LMNTD1: variants seen among roughly 807,000 people sequenced by gnomAD.
LMNTD1 encodes lamin tail domain-containing protein 1.
A neutral mutation model predicts 50.9 loss-of-function variants in LMNTD1; 35 were observed. That is an observed-to-expected ratio of 0.69 (90% confidence interval 0.53 to 0.91). The LOEUF is 0.91. LMNTD1 is among the 40% of genes least tolerant of loss of function. LMNTD1 has a pLI of 0.00. For synonymous variants in LMNTD1, 153 were observed against 161.9 expected (o/e 0.94, Z 0.42); for missense variants, 470 against 475.5 (o/e 0.99, Z 0.11).
chr12:25,480,107 G>A (rs1179019753), intron 9 of LMNTD1, among the ~76,000 whole-genome samples: 7 of 152,200 alleles, frequency 4.6e-5, no homozygotes, highest in African/African-American at 1.4e-4. Flanking sequence ...TCACCCAATG[G>A]TGAGCACTCA....
At chr12:25,589,922 C>T (rs536256001) in intron 1 of LMNTD1, among the ~76,000 whole-genome samples, 1 of 152,178 alleles carries the variant, frequency 6.6e-6, no homozygotes, top group South Asian at 2.1e-4. Flanking sequence ...CTGTCTCACC[C>T]AGTTTACTAG....
In LMNTD1 at chr12:25,519,586, T is replaced by TAAAA. The variant is rs781742784; in HGVS notation, c.1016+271_1016+272insTTTT. The stretch of plus-strand genomic sequence containing the variant: ...CTGGGTGACAGAGCGAGACTCTGTC[T>TAAAA]CAAAAAAAAAAAAAAAAAAAAAGTG... On this transcript the variant is annotated intron_variant, in intron 7 of 9. Transcript: ENST00000458174. 3.9e-4 allele frequency among the ~76,000 whole-genome samples: 29 copies of TAAAA among 74,934 alleles called. 7 individuals carry two copies. The highest frequency in any genetic ancestry group is 4.9e-4 in the Non-Finnish European group (21 of 43,078). 49.2% of individuals were successfully genotyped at this position (74,934 alleles called of 152,430 possible).
intron 1 of LMNTD1, among the ~76,000 whole-genome samples, chr12:25,648,315 T>G (rs1947116881): frequency 6.6e-6 from 1 of 152,220 alleles, no homozygotes; most frequent in African/African-American, 2.4e-5. Flanking sequence ...AAACAGCATC[T>G]CAATTCATGC....
intron 9 of LMNTD1, among the ~76,000 whole-genome samples, chr12:25,478,020 C>T (rs1342807370): frequency 6.6e-6 from 1 of 152,092 alleles, no homozygotes; most frequent in African/African-American, 2.4e-5. Context: ...TGTCTTTTCA[C>T]ATTTTTCTGC....
chr12:25,583,014 A>AT (rs34107463), intron 1 of LMNTD1, among the ~76,000 whole-genome samples: 5,432 of 135,412 alleles, frequency 0.04, 312 homozygotes, highest in East Asian at 0.33. Context: ...TGCCTGGATA[A>AT]TTTTTTTTTT....
At chr12:25,539,834 T>C (rs1173973012) in intron 4 of LMNTD1, among the ~76,000 whole-genome samples, 2 of 145,730 alleles carry the variant, frequency 1.4e-5, no homozygotes, top group Non-Finnish European at 3.0e-5. Flanking sequence ...CTAGCAAGAC[T>C]AATAAAGAAA....
chr12:25,597,236 C>A (rs185638262), intron 1 of LMNTD1, among the ~76,000 whole-genome samples: 1 of 151,792 alleles, frequency 6.6e-6, no homozygotes, highest in Non-Finnish European at 1.5e-5. Context: ...ACTCTCCAAT[C>A]GAAAGACATA....
At chr12:25,640,893 T>A (rs1464316873) in intron 1 of LMNTD1, among the ~76,000 whole-genome samples, 2 of 152,140 alleles carry the variant, frequency 1.3e-5, no homozygotes, top group East Asian at 3.9e-4. Context: ...GGTCTCGATC[T>A]CCTGACCTCG....
chr12:25,476,982 A>G (rs779763721), intron 9 of LMNTD1, among the ~76,000 whole-genome samples: 2 of 152,126 alleles, frequency 1.3e-5, no homozygotes, highest in Non-Finnish European at 2.9e-5. Flanking sequence ...TTATCACCAC[A>G]CCAAGGTGAG....
chr12:25,577,049 A>C (rs1442253741), intron 1 of LMNTD1, among the ~76,000 whole-genome samples: 7 of 152,152 alleles, frequency 4.6e-5, no homozygotes, highest in Non-Finnish European at 1.0e-4. Context: ...CCATTGGTCT[A>C]TATCTCTGAT....
rs544511109 is a variant in LMNTD1 at position 25,600,924 on chromosome 12, A to G, written c.58+47570T>C. On this transcript the variant is annotated intron_variant, in intron 1 of 7. Transcript: ENST00000445693. ...AAGAAAACAAAAATAGACCTACCAT[A>G]TGACCTAGCAATCCCACTGCTGAGT... 3.9e-4 allele frequency among the ~76,000 whole-genome samples: 59 copies of G among 152,054 alleles called. No homozygotes were observed. In the South Asian group the frequency reaches 3.9e-3, roughly 10 times the overall value.
chr12:25,606,868 C>T (rs12426024), intron 1 of LMNTD1, among the ~76,000 whole-genome samples: 49,791 of 152,040 alleles, frequency 0.33, 9,373 homozygotes, highest in East Asian at 0.86. Flanking sequence ...GGGAGGATTC[C>T]TTCTTTTCCT....
intron 4 of LMNTD1, among the ~76,000 whole-genome samples, chr12:25,542,088 A>T (rs1943118833): frequency 6.6e-6 from 1 of 150,390 alleles, no homozygotes; most frequent in Non-Finnish European, 1.5e-5. Flanking sequence ...GCTGGAGAGG[A>T]TATGGAGAAA....
At chr12:25,593,292 C>G (rs986049702) in intron 1 of LMNTD1, among the ~76,000 whole-genome samples, 1 of 152,106 alleles carries the variant, frequency 6.6e-6, no homozygotes, top group African/African-American at 2.4e-5. Flanking sequence ...AGCCAAGGAC[C>G]CTTACAGAGC....
chr12:25,505,118 T>C (rs1008981677), intron 8 of LMNTD1, among the ~76,000 whole-genome samples: 1 of 152,232 alleles, frequency 6.6e-6, no homozygotes, highest in African/African-American at 2.4e-5. Context: ...TACAAGTTTT[T>C]GAAATTGAAT....
upstream of LMNTD1, among the ~76,000 whole-genome samples, chr12:25,554,770 T>C (rs829045): frequency 0.64 from 97,275 of 152,038 alleles, 31,944 homozygotes; most frequent in Admixed American, 0.71. Flanking sequence ...GAAAAATAGA[T>C]TACAATTATC....
chr12:25,644,904 C>A lies in LMNTD1; in HGVS notation c.58+3590G>T, dbSNP rs182279986. Among the ~76,000 whole-genome samples the A allele has an allele frequency of 9.2e-5, 14 of 152,228 alleles. No homozygotes were observed. In the East Asian group the frequency reaches 1.9e-3, roughly 21 times the overall value. Reference sequence around the variant, plus strand: ...ACATAGATTTGACGAGATGAAGGCACTCTTGTCCAATATTAGATTTCTTTT... The same window carrying A: ...ACATAGATTTGACGAGATGAAGGCAATCTTGTCCAATATTAGATTTCTTTT... On this transcript the variant is annotated intron_variant, in intron 1 of 7. Coordinates refer to the LMNTD1 transcript ENST00000445693.
At chr12:25,559,486 A>G (rs1944196499) in intron 1 of LMNTD1, among the ~76,000 whole-genome samples, 1 of 152,216 alleles carries the variant, frequency 6.6e-6, no homozygotes, top group African/African-American at 2.4e-5. Flanking sequence ...TGCTATTGTG[A>G]ATAATGCCGC....
intron 1 of LMNTD1, among the ~76,000 whole-genome samples, chr12:25,623,553 C>CAAAA (rs57326398): frequency 3.5e-5 from 2 of 57,534 alleles, no homozygotes; most frequent in East Asian, 1.3e-3. Flanking sequence ...GACTCTGTCT[C>CAAAA]AAAAAAAAAA....
Sources: allele counts gnomAD v4.1 joint callset (sites outside exome capture counted in the v4.1 genomes callset), GRCh38; gene constraint gnomAD v4.1.1; transcripts MANE v1.5; gene names NCBI Gene and HGNC (gene_info 2026-07-23, HGNC 2026-07-21).